Variants in LAMA5 observed in about 807,000 individuals in gnomAD.
The protein encoded by LAMA5 is laminin subunit alpha-5.
In LAMA5, 260 loss-of-function variants were observed where a neutral mutation model predicts 433.4. The observed-to-expected ratio is 0.60, with a 90% confidence interval of 0.54 to 0.66. LAMA5 has a LOEUF of 0.66. LAMA5 is among the 30% of genes least tolerant of loss of function. The probability of loss-of-function intolerance (pLI) is 0.00; values close to 1 mark genes in which losing one functional copy is unlikely to be tolerated. For synonymous variants in LAMA5, 2,620 were observed against 2,226.6 expected (o/e 1.18, Z -4.97); for missense variants, 5,378 against 5,258.5 (o/e 1.02, Z -0.70).
chr20:62,317,534 T>C, intron 54 of LAMA5, 35 bp from the exon 55 acceptor site: 1 of 1,528,716 alleles, frequency 6.5e-7, no homozygotes, highest in Non-Finnish European at 8.8e-7. Context: ...CTCATCCTGC[T>C]CACAGCCACC....
At chr20:62,314,471 G>A in intron 61 of LAMA5, 31 bp from the exon 62 acceptor site, 1 of 1,611,904 alleles carries the variant, frequency 6.2e-7, no homozygotes, top group East Asian at 2.2e-5. Context: ...CAGTCGGGAT[G>A]GGGACCGGGG....
chr20:62,317,487 G>C lies in LAMA5; in HGVS notation c.7369C>G (p.Leu2457Val). 1 of 1,548,196 alleles carries C rather than the reference G, an allele frequency of 6.5e-7. No individual in the cohort carries two copies. The highest frequency in any genetic ancestry group is 1.2e-5 in the South Asian group (1 of 81,792). Reference sequence around the variant, plus strand: ...CGAGCCCCATCCAGGCTGGCGGCGAGGCGCTCCAGCTCCTGGAATTTGAGT... The same window carrying C: ...CGAGCCCCATCCAGGCTGGCGGCGACGCGCTCCAGCTCCTGGAATTTGAGT... ...LDQAKEELER[L>V]AASLDGARTP... is the part of the protein sequence containing the mutation. Residue 2457 changes from leucine (L) to valine (V), a missense_variant, in exon 55 of 80, where the codon CTC becomes GTC. Leu to Val is a conservative substitution (Grantham distance 32). Coordinates refer to ENST00000252999, the MANE Select transcript of LAMA5 (RefSeq NM_005560.6).
rs567554369 is a variant in LAMA5, at chr20:62,323,565, G to A, written c.5955C>T (p.Asp1985=). 2.9e-5 allele frequency: 46 copies of A among 1,603,454 alleles called. No homozygotes were observed. The African/African-American group carries it at 4.9e-4, about 17-fold the overall frequency. ...AGCCACGGCAGGCGCCCGTCAGGGG[G>A]TCGCAGTCGCTGAAGAGCAAGTTGG... ...GDPNLLFSDC[D]PLTGACRGCL... The change falls in exon 45 of 80, where the codon GAC becomes GAT. Residue 1985 remains aspartate (D), a synonymous_variant. Coordinates refer to ENST00000252999, the MANE Select transcript of LAMA5 (RefSeq NM_005560.6).
chr20:62,331,525 C>T (rs1266066406), intron 28 of LAMA5, among the ~76,000 whole-genome samples: 1 of 152,152 alleles, frequency 6.6e-6, no homozygotes. Context: ...CCTCGCCCTC[C>T]CATCCGTCAC....
chr20:62,330,401 A>T (rs958070223), intron 31 of LAMA5, 87 bp downstream of exon 31: 2 of 1,427,844 alleles, frequency 1.4e-6, no homozygotes, highest in Non-Finnish European at 1.8e-6. Flanking sequence ...TGTCGCTCAT[A>T]GCAGGTAGCA....
rs2297590 is a variant in LAMA5, at chr20:62,311,555, C to T, written c.9807-19G>A. ...CAGGAGCCTGTGCAGGGCGGGCAGGCGGTCAGCAGCTGCGGAAGGCCAGCT... is the reference window on the plus strand; with the variant it reads ...CAGGAGCCTGTGCAGGGCGGGCAGGTGGTCAGCAGCTGCGGAAGGCCAGCT... On this transcript the variant is annotated intron_variant, in intron 71 of 79. Coordinates refer to ENST00000252999, the MANE Select transcript of LAMA5 (RefSeq NM_005560.6). The T allele has an allele frequency of 0.5, 807,795 of 1,608,632 alleles. 207,374 individuals are homozygous for T. Among genetic ancestry groups the T allele is most frequent in the Non-Finnish European group, 0.53 (625,225 of 1,177,736 alleles).
intron 6 of LAMA5, among the ~76,000 whole-genome samples, chr20:62,348,945 G>C (rs1441395870): frequency 1.3e-5 from 2 of 152,150 alleles, no homozygotes; most frequent in Non-Finnish European, 2.9e-5. Flanking sequence ...CCAACAGTCA[G>C]AAAGAATGGC....
At chr20:62,322,197 C>T (rs1167323440) in intron 47 of LAMA5, 29 bp from the exon 48 acceptor site, 3 of 1,575,284 alleles carry the variant, frequency 1.9e-6, no homozygotes, top group South Asian at 2.3e-5. Flanking sequence ...GTGAGCATGG[C>T]TGGCCTGGGA....
intron 6 of LAMA5, among the ~76,000 whole-genome samples, chr20:62,349,922 G>A (rs1358082418): frequency 6.7e-6 from 1 of 150,358 alleles, no homozygotes; most frequent in South Asian, 2.1e-4. Flanking sequence ...GAAAATTGCT[G>A]GCTGATGACA....
rs1987298678 is a variant in LAMA5 at position 62,318,499 on chromosome 20, G to T, written c.7194C>A (p.Ala2398=). The change falls in exon 53 of 80, where the codon GCC becomes GCA. Residue 2398 remains alanine, a synonymous_variant. Coordinates refer to ENST00000252999, the MANE Select transcript of LAMA5 (RefSeq NM_005560.6). ...CCTGGTTGCGGCTGTTGAGCTCCTGGGCCTCCCGTGTGGCGTCCACTGCCC... is the reference window on the plus strand; with the variant it reads ...CCTGGTTGCGGCTGTTGAGCTCCTGTGCCTCCCGTGTGGCGTCCACTGCCC... ...LNRAVDATRE[A]QELNSRNQER... 3.1e-6 allele frequency: 5 copies of T among 1,608,560 alleles called. No individual in the cohort carries two copies. Among genetic ancestry groups the T allele is most frequent in the Non-Finnish European group, 4.2e-6 (5 of 1,178,780 alleles).
chr20:62,337,480 A>C, intron 16 of LAMA5, 110 bp downstream of exon 16: 1 of 1,422,368 alleles, frequency 7.0e-7, no homozygotes. Context: ...GTCGCAGTAC[A>C]CACAGCAAGA....
intron 61 of LAMA5, 34 bp from the exon 62 acceptor site, chr20:62,314,474 G>A (rs1258208332): frequency 1.9e-6 from 3 of 1,611,822 alleles, no homozygotes; most frequent in Non-Finnish European, 2.5e-6. Context: ...TCGGGATGGG[G>A]ACCGGGGACC....
intron 76 of LAMA5, 36 bp downstream of exon 76, chr20:62,310,383 G>A (rs752323583): frequency 2.4e-5 from 37 of 1,573,516 alleles, no homozygotes; most frequent in Non-Finnish European, 2.9e-5. Flanking sequence ...CCCCTGCCCT[G>A]CCCTGCTGAG....
rs149796056 is a variant in LAMA5, at chr20:62,354,151, G to A, written c.451-900C>T. On this transcript the variant is annotated intron_variant, in intron 2 of 79. Transcript: ENST00000252999. Reference sequence around the variant, plus strand: ...GCCCATGTGTCTGTGCCTCGGGGCTGGGGGACAGCCTGGCTCAGTCTTCAC... The same window carrying A: ...GCCCATGTGTCTGTGCCTCGGGGCTAGGGGACAGCCTGGCTCAGTCTTCAC... 3.9e-5 allele frequency among the ~76,000 whole-genome samples: 6 copies of A among 152,074 alleles called. No homozygotes were observed. The East Asian group carries it at 9.7e-4, about 24-fold the overall frequency.
chr20:62,328,153 G>C, intron 35 of LAMA5, 88 bp downstream of exon 35: 1 of 1,509,284 alleles, frequency 6.6e-7, no homozygotes, highest in Non-Finnish European at 8.9e-7. Context: ...ACAAATGGGA[G>C]CAGGGTGGGT....
At chr20:62,347,951 G>A (rs145691059) in intron 6 of LAMA5, among the ~76,000 whole-genome samples, 2 of 152,296 alleles carry the variant, frequency 1.3e-5, no homozygotes, top group African/African-American at 4.8e-5. Context: ...TCAATGAGAG[G>A]AATTGGGAAA....
Position 62,327,218 on chromosome 20 carries a change from T to C in LAMA5, c.5112+15A>G, listed in dbSNP as rs746114053. On this transcript the variant is annotated intron_variant, in intron 38 of 79. Coordinates refer to ENST00000252999, the MANE Select transcript of LAMA5 (RefSeq NM_005560.6). ...ATCCTCAAAGTGCCTCCCCCAGACC[T>C]GATGCCCTGCTTACCCGGTCCCCCA... 1.3e-6 allele frequency: 2 copies of C among 1,492,070 alleles called. No individual in the cohort carries two copies. Among genetic ancestry groups the C allele is most frequent in the Non-Finnish European group, 1.8e-6 (2 of 1,124,104 alleles). 92.4% of individuals were successfully genotyped at this position (1,492,070 alleles called of 1,614,324 possible).
At chr20:62,316,846 C>T (rs375457299) in intron 56 of LAMA5, 36 bp downstream of exon 56, 1 of 1,538,608 alleles carries the variant, frequency 6.5e-7, no homozygotes, top group Non-Finnish European at 8.8e-7. Flanking sequence ...AGTGGGGGCG[C>T]TCCTGCTGGG....
chr20:62,334,476 G>C lies in LAMA5; in HGVS notation c.2582+46C>G, dbSNP rs1390896225. The C allele has an allele frequency of 3.3e-6, 5 of 1,523,904 alleles. No individual in the cohort carries two copies. In the African/African-American group the frequency reaches 6.9e-5, roughly 21 times the overall value. The allele number at this position is 1,523,904 out of a possible 1,614,324, so 94.4% of individuals were successfully genotyped here. The stretch of plus-strand genomic sequence containing the variant: ...GGACACGGAGAGGCCCGGAGGACAA[G>C]CTGCCTGCCCCGCTCCCCACCACCC... On this transcript the variant is annotated intron_variant, in intron 21 of 79. Transcript: ENST00000252999.
Sources: gnomAD v4.1 joint callset for allele counts (sites outside exome capture counted in the v4.1 genomes callset) on GRCh38, gnomAD v4.1.1 for gene constraint, MANE v1.5 for transcripts, NCBI Gene and HGNC (gene_info 2026-07-23, HGNC 2026-07-21) for gene names.